The following NPAS3 variants were observed in gnomAD, a reference collection of about 807,000 sequenced individuals.
The protein encoded by NPAS3 is neuronal PAS domain protein 3, also known as neuronal PAS domain-containing protein 3.
Under a neutral mutation model 73.1 loss-of-function variants are expected in NPAS3, and 14 were observed. That is an observed-to-expected ratio of 0.19 (90% CI 0.13 to 0.30). The LOEUF is 0.30. NPAS3 is among the 10% of genes least tolerant of loss of function. The pLI, the probability that NPAS3 is intolerant of heterozygous loss-of-function variation, is 1.00. For missense variants in NPAS3, 1,096 were observed against 1,250.0 expected (o/e 0.88, Z 1.86); for synonymous variants, 620 against 541.5 (o/e 1.14, Z -2.01).
At chr14:33,188,731 C>G (rs114455993) in intron 2 of NPAS3, among the ~76,000 whole-genome samples, 328 of 152,242 alleles carry the variant, frequency 2.2e-3, no homozygotes, top group African/African-American at 7.5e-3. Flanking sequence ...TACCGTAAAA[C>G]TTTTTTACAT....
intron 1 of NPAS3, among the ~76,000 whole-genome samples, chr14:32,943,431 A>G (rs2036113143): frequency 6.6e-6 from 1 of 152,122 alleles, no homozygotes; most frequent in South Asian, 2.1e-4. Flanking sequence ...ATACTATAAT[A>G]TAGCTATTTT....
Position 33,622,525 on chromosome 14 carries a change from G to A in NPAS3, c.559-53686G>A, listed in dbSNP as rs74582163. Among the ~76,000 whole-genome samples the A allele has an allele frequency of 2.6e-3, 399 of 152,152 alleles. 3 individuals carry two copies. The highest frequency in any genetic ancestry group is 8.9e-3 in the African/African-American group (371 of 41,540). On this transcript the variant is annotated intron_variant, in intron 5 of 11. Transcript: ENST00000356141. ...GAAAATTAAAAAGAAATAGTAAAAG[G>A]AACAAACACTAAAATTCTACAGATT... is the stretch of plus-strand genomic sequence containing the variant.
chr14:32,937,087 C>G (rs1389687156), upstream of NPAS3, among the ~76,000 whole-genome samples: 2 of 151,934 alleles, frequency 1.3e-5, no homozygotes, highest in African/African-American at 4.8e-5. Context: ...ACACCTGTTA[C>G]TGTCTTTTAG....
chr14:33,401,033 A>G (rs1320845235), intron 4 of NPAS3, among the ~76,000 whole-genome samples: 1 of 150,406 alleles, frequency 6.6e-6, no homozygotes, highest in Non-Finnish European at 1.5e-5. Context: ...TGCAGAATGC[A>G]AAGTTATAAC....
intron 3 of NPAS3, among the ~76,000 whole-genome samples, chr14:33,228,193 G>A (rs1280333577): frequency 6.6e-6 from 1 of 152,178 alleles, no homozygotes; most frequent in African/African-American, 2.4e-5. Context: ...TAATCAGAAG[G>A]AAGAGGTAGC....
chr14:33,379,367 A>G (rs1383600259), intron 4 of NPAS3, among the ~76,000 whole-genome samples: 2 of 152,190 alleles, frequency 1.3e-5, no homozygotes. Context: ...TTGACAGACA[A>G]TCATAAGGTT....
chr14:33,376,642 C>T (rs1277338750), intron 4 of NPAS3, among the ~76,000 whole-genome samples: 1 of 152,178 alleles, frequency 6.6e-6, no homozygotes, highest in Non-Finnish European at 1.5e-5. Context: ...TTTGTATCCA[C>T]ATCTCCAGAC....
intron 2 of NPAS3, among the ~76,000 whole-genome samples, chr14:33,191,906 C>A (rs922332654): frequency 6.6e-6 from 1 of 152,088 alleles, no homozygotes; most frequent in Admixed American, 6.5e-5. Flanking sequence ...TCCTAGGTCC[C>A]CAAATCAAAT....
chr14:33,468,132 A>C (rs1259434669), intron 4 of NPAS3, among the ~76,000 whole-genome samples: 1 of 152,188 alleles, frequency 6.6e-6, no homozygotes, highest in Non-Finnish European at 1.5e-5. Flanking sequence ...TAAGCAGTTG[A>C]ATGGTGACGT....
At chr14:33,572,385 T>C (rs1220382384) in intron 5 of NPAS3, among the ~76,000 whole-genome samples, 1 of 152,216 alleles carries the variant, frequency 6.6e-6, no homozygotes, top group African/African-American at 2.4e-5. Flanking sequence ...ACAAGTGCCC[T>C]AACTAACATT....
intron 4 of NPAS3, among the ~76,000 whole-genome samples, chr14:33,523,640 C>T (rs1054286985): frequency 5.3e-5 from 8 of 151,400 alleles, no homozygotes; most frequent in Non-Finnish European, 1.0e-4. Flanking sequence ...AATAGCCGGG[C>T]GTGGTGGCAG....
intron 1 of NPAS3, among the ~76,000 whole-genome samples, chr14:32,942,620 C>T (rs1367375692): frequency 6.6e-6 from 1 of 152,196 alleles, no homozygotes; most frequent in African/African-American, 2.4e-5. Context: ...AAGTGTCAAG[C>T]ATGTGATATG....
intron 3 of NPAS3, among the ~76,000 whole-genome samples, chr14:33,361,867 A>G (rs2045619174): frequency 6.6e-6 from 1 of 152,192 alleles, no homozygotes; most frequent in African/African-American, 2.4e-5. Context: ...GTTATCAGAT[A>G]TGTGATTAAT....
rs141657869 is a variant in NPAS3, at chr14:33,585,523, G to A, written c.558+25313G>A. ...AACTAAGTAACATCTCAAGGAGTTT[G>A]ATCTTTTGGATTGAAATAACCTTAT... On this transcript the variant is annotated intron_variant, in intron 5 of 11. Coordinates refer to ENST00000356141, the Ensembl canonical transcript of NPAS3. Among the ~76,000 whole-genome samples, 781 of 152,242 alleles carry A rather than the reference G, an allele frequency of 5.1e-3. 10 individuals carry two copies. The highest frequency in any genetic ancestry group is 0.01 in the Middle Eastern group (3 of 294).
intron 2 of NPAS3, among the ~76,000 whole-genome samples, chr14:33,162,968 G>GC (rs2044962214): frequency 6.6e-6 from 1 of 152,140 alleles, no homozygotes; most frequent in South Asian, 2.1e-4. Context: ...GAAAAATACA[G>GC]ATCTTTGAAA....
chr14:33,579,306 C>CAGATTT lies in NPAS3; in HGVS notation c.558+19097_558+19098insGATTTA, dbSNP rs1393368449. ...AAAATAAATAAAGAAATGCAGAAAT[C>CAGATTT]AATCTCTACTGGGTTTCAGTAATAA... is the stretch of plus-strand genomic sequence containing the variant. On this transcript the variant is annotated intron_variant, in intron 5 of 11. Coordinates refer to ENST00000356141, the Ensembl canonical transcript of NPAS3. Among the ~76,000 whole-genome samples, 10 of 152,296 alleles carry CAGATTT rather than the reference C, an allele frequency of 6.6e-5. No individual in the cohort carries two copies. In the East Asian group the frequency reaches 1.5e-3, roughly 24 times the overall value.
intron 4 of NPAS3, among the ~76,000 whole-genome samples, chr14:33,446,166 C>CTTTTTTTTT (rs71118544): frequency 8.3e-5 from 10 of 120,008 alleles, no homozygotes; most frequent in African/African-American, 2.5e-4. Context: ...TTCATGCTTT[C>CTTTTTTTTT]TTTTTTTTTT....
At chr14:33,514,351 C>A (rs942256807) in intron 4 of NPAS3, among the ~76,000 whole-genome samples, 4 of 151,986 alleles carry the variant, frequency 2.6e-5, no homozygotes, top group African/African-American at 9.7e-5. Flanking sequence ...CTCTAAGTTT[C>A]CAGCCTCTCA....
chr14:33,111,405 A>G (rs1312299136), intron 2 of NPAS3, among the ~76,000 whole-genome samples: 1 of 152,192 alleles, frequency 6.6e-6, no homozygotes, highest in Non-Finnish European at 1.5e-5. Flanking sequence ...GGCTTTTACA[A>G]AGAAGAAGCT....
Sources: gnomAD v4.1 joint callset for allele counts (sites outside exome capture counted in the v4.1 genomes callset) on GRCh38, gnomAD v4.1.1 for gene constraint, MANE v1.5 for transcripts, NCBI Gene and HGNC (gene_info 2026-07-23, HGNC 2026-07-21) for gene names.